Variants in CLVS1 observed in about 807,000 individuals in gnomAD.
The protein encoded by CLVS1 is clavesin-1.
CLVS1 carries 10 observed loss-of-function variants against 33.1 expected under a neutral mutation model. The ratio of observed to expected loss-of-function variants is 0.30; its 90% CI spans 0.19 to 0.51. The LOEUF (loss-of-function observed/expected upper bound fraction) is 0.51. CLVS1 is among the 20% of genes least tolerant of loss of function. The pLI, the probability that CLVS1 is intolerant of heterozygous loss-of-function variation, is 0.97. For synonymous variants in CLVS1, 163 were observed against 166.1 expected (o/e 0.98, Z 0.14); for missense variants, 343 against 433.4 (o/e 0.79, Z 1.85).
At chr8:61,010,955 A>G in the CLVS1 span, among the ~76,000 whole-genome samples, 1 of 152,212 alleles carries the variant, frequency 6.6e-6, no homozygotes, top group Non-Finnish European at 1.5e-5. Flanking sequence ...GGCACACGTT[A>G]GGCGGAAGGA....
intron 3 of CLVS1, among the ~76,000 whole-genome samples, chr8:61,406,626 G>C (rs986968836): frequency 2.0e-5 from 3 of 151,814 alleles, no homozygotes; most frequent in Non-Finnish European, 2.9e-5. Flanking sequence ...TGTGGGGGGG[G>C]GGATGGAGTC....
the CLVS1 span, among the ~76,000 whole-genome samples, chr8:61,023,226 T>C: frequency 6.6e-6 from 1 of 152,236 alleles, no homozygotes; most frequent in African/African-American, 2.4e-5. Flanking sequence ...TTAACATGGA[T>C]GTTTGCGTAC....
intron 2 of CLVS1, among the ~76,000 whole-genome samples, chr8:61,149,753 C>T (rs902588266): frequency 2.0e-5 from 3 of 151,976 alleles, no homozygotes; most frequent in Non-Finnish European, 4.4e-5. Flanking sequence ...GAGACAGTCC[C>T]TCTAACTGGA....
At chr8:61,268,563 C>A (rs1809361896) in intron 2 of CLVS1, among the ~76,000 whole-genome samples, 1 of 142,134 alleles carries the variant, frequency 7.0e-6, no homozygotes, top group Admixed American at 7.1e-5. Flanking sequence ...AATGGTATTT[C>A]CAGTTCTAGA....
At chr8:61,452,007 G>T (rs1006052897) in intron 3 of CLVS1, among the ~76,000 whole-genome samples, 2 of 152,192 alleles carry the variant, frequency 1.3e-5, no homozygotes, top group Non-Finnish European at 2.9e-5. Flanking sequence ...TAGACACAGG[G>T]TTCACATGTG....
chr8:61,227,165 G>T (rs1419266605), intron 2 of CLVS1, among the ~76,000 whole-genome samples: 1 of 151,100 alleles, frequency 6.6e-6, no homozygotes. Context: ...GTGTAGATGT[G>T]TCCTAATAAA....
intron 2 of CLVS1, among the ~76,000 whole-genome samples, chr8:61,206,614 A>C (rs1211278703): frequency 7.5e-6 from 1 of 133,280 alleles, no homozygotes; most frequent in Non-Finnish European, 1.6e-5. Flanking sequence ...TTTGAGATGG[A>C]GTCTCGCTCT....
the CLVS1 span, chr8:60,967,728 T>C: frequency 7.0e-5 from 32 of 455,290 alleles, no homozygotes; most frequent in South Asian, 5.0e-4. Context: ...GATTTGGGAT[T>C]TGGCCAGGAG....
Position 61,161,098 on chromosome 8 carries a change from A to G in CLVS1, c.-152+29238A>G, listed in dbSNP as rs555255516. On this transcript the variant is annotated intron_variant, in intron 2 of 2. Transcript: ENST00000522621. ...AAAATGCTGAACATCACTAATTATC[A>G]GGAAAATGCAAAGCAAAGCCACAAT... Among the ~76,000 whole-genome samples, 93 of 152,354 alleles carry G rather than the reference A, an allele frequency of 6.1e-4. 2 individuals are homozygous for G. The highest frequency in any genetic ancestry group is 1.2e-3 in the Non-Finnish European group (80 of 68,038).
At chr8:61,083,527 T>C (rs1396193886) in intron 1 of CLVS1, among the ~76,000 whole-genome samples, 6 of 152,030 alleles carry the variant, frequency 3.9e-5, no homozygotes, top group Non-Finnish European at 8.8e-5. Context: ...CTAATGAAAC[T>C]GAGCAACGGG....
In CLVS1 at chr8:61,498,235, C is replaced by G. The variant is rs73685066; in HGVS notation, c.978-1220C>G. Among the ~76,000 whole-genome samples the G allele has an allele frequency of 8.6e-3, 1,309 of 152,212 alleles. 13 individuals carry two copies. The highest frequency in any genetic ancestry group is 0.028 in the African/African-American group (1,178 of 41,518). ...TGACCTAAAGCCCAGACATACAAAA[C>G]CAAGCATGCACTATAAATCACACTG... On this transcript the variant is annotated intron_variant, in intron 5 of 5. Transcript: ENST00000325897.
intron 3 of CLVS1, among the ~76,000 whole-genome samples, chr8:61,401,870 T>C (rs1454723637): frequency 6.6e-6 from 1 of 152,180 alleles, no homozygotes; most frequent in African/African-American, 2.4e-5. Flanking sequence ...AAAAAATATG[T>C]AAATGCACTA....
the CLVS1 span, among the ~76,000 whole-genome samples, chr8:60,986,061 C>G: frequency 6.6e-6 from 1 of 152,116 alleles, no homozygotes; most frequent in Non-Finnish European, 1.5e-5. Context: ...TCCTGAATAC[C>G]CAGCAATGTG....
the CLVS1 span, among the ~76,000 whole-genome samples, chr8:61,030,576 A>G: frequency 6.6e-6 from 1 of 152,210 alleles, no homozygotes; most frequent in Non-Finnish European, 1.5e-5. Flanking sequence ...GCTTCTATTA[A>G]TAGATGATTG....
chr8:61,011,811 G>GA, the CLVS1 span, among the ~76,000 whole-genome samples: 1 of 152,138 alleles, frequency 6.6e-6, no homozygotes, highest in African/African-American at 2.4e-5. Context: ...TGTTATTGTT[G>GA]AAAAAACAAA....
chr8:61,055,706 T>C (rs1459629861), upstream of CLVS1, among the ~76,000 whole-genome samples: 1 of 152,224 alleles, frequency 6.6e-6, no homozygotes, highest in African/African-American at 2.4e-5. Context: ...TGTTGTGTTT[T>C]TAGACTCATG....
intron 1 of CLVS1, among the ~76,000 whole-genome samples, chr8:61,126,691 T>C (rs1254065299): frequency 1.3e-5 from 2 of 152,234 alleles, no homozygotes; most frequent in African/African-American, 4.8e-5. Context: ...GGAAAATTTC[T>C]CTTCTTTGCA....
intron 3 of CLVS1, among the ~76,000 whole-genome samples, chr8:61,399,015 C>T (rs1049222299): frequency 7.9e-5 from 12 of 152,114 alleles, no homozygotes; most frequent in African/African-American, 1.9e-4. Context: ...TGAACATACA[C>T]GTGAATGTAT....
intron 1 of CLVS1, among the ~76,000 whole-genome samples, chr8:61,094,210 T>C (rs1805306558): frequency 6.6e-6 from 1 of 152,206 alleles, no homozygotes; most frequent in Non-Finnish European, 1.5e-5. Context: ...GAGATACCAG[T>C]GCTTGGGAAG....
Sources: allele counts gnomAD v4.1 joint callset (sites outside exome capture counted in the v4.1 genomes callset), GRCh38; gene constraint gnomAD v4.1.1; transcripts MANE v1.5; gene names NCBI Gene and HGNC (gene_info 2026-07-23, HGNC 2026-07-21).